AIM2: variants seen among roughly 807,000 people sequenced by gnomAD.
AIM2 encodes absent in melanoma 2.
Under a neutral mutation model 27.7 loss-of-function variants are expected in AIM2, and 30 were observed. That is an observed-to-expected ratio of 1.08 (90% CI 0.81 to 1.47). The LOEUF (loss-of-function observed/expected upper bound fraction) is 1.47. AIM2 is among the 40% of genes most tolerant of loss of function. The pLI is 0.00. For missense variants in AIM2, 358 were observed against 411.3 expected, an observed-to-expected ratio of 0.87 and a Z score of 1.12; for synonymous variants, 141 against 145.3, an observed-to-expected ratio of 0.97 and a Z score of 0.21.
chr1:159,081,408 C>T, upstream of AIM2: 1 of 355,726 alleles, frequency 2.8e-6, no homozygotes. Flanking sequence ...AAGTAGATAA[C>T]CTGAAATAAT....
At chr1:159,056,950 G>A in the AIM2 span, among the ~76,000 whole-genome samples, 1 of 152,010 alleles carries the variant, frequency 6.6e-6, no homozygotes, top group Non-Finnish European at 1.5e-5. Flanking sequence ...TTTTTTCAAA[G>A]GAGTCCCAAA....
At chr1:159,080,312 C>T (rs544901654), upstream of AIM2, among the ~76,000 whole-genome samples, 25 of 152,186 alleles carry the variant, frequency 1.6e-4, no homozygotes, top group Non-Finnish European at 2.1e-4. Context: ...TATGAGCAAA[C>T]GAAAGGTATC....
chr1:159,139,583 C>T (rs1332838308), intron 1 of AIM2, among the ~76,000 whole-genome samples: 2 of 152,096 alleles, frequency 1.3e-5, no homozygotes, highest in South Asian at 2.1e-4. Flanking sequence ...GGCAAAGCTG[C>T]TTCTTATACC....
chr1:159,131,567 C>T (rs1250548155), intron 1 of AIM2, among the ~76,000 whole-genome samples: 15 of 152,142 alleles, frequency 9.9e-5, no homozygotes, highest in Admixed American at 8.5e-4. Flanking sequence ...GGACACTATA[C>T]TCAGGTTAAG....
intron 1 of AIM2, among the ~76,000 whole-genome samples, chr1:159,132,774 G>A (rs1016067319): frequency 1.3e-5 from 2 of 152,156 alleles, no homozygotes; most frequent in Non-Finnish European, 2.9e-5. Flanking sequence ...CTGTTTATAA[G>A]AGGCAGTCCA....
intron 1 of AIM2, 43 bp from the exon 2 acceptor site, chr1:159,073,562 G>T: frequency 6.6e-7 from 1 of 1,516,434 alleles, no homozygotes; most frequent in South Asian, 1.2e-5. Context: ...CACCAAAAGT[G>T]ATTCTACATT....
chr1:159,097,814 T>A (rs1657210447), intron 1 of AIM2, among the ~76,000 whole-genome samples: 1 of 152,136 alleles, frequency 6.6e-6, no homozygotes, highest in African/African-American at 2.4e-5. Flanking sequence ...CATTACCAAA[T>A]CGGCAAATCA....
At chr1:159,126,997 A>C (rs1020106875) in intron 1 of AIM2, among the ~76,000 whole-genome samples, 1 of 152,232 alleles carries the variant, frequency 6.6e-6, no homozygotes, top group African/African-American at 2.4e-5. Context: ...TCATATAAGA[A>C]TATGTTTCCA....
At chr1:159,118,864 C>A (rs531476735) in intron 1 of AIM2, among the ~76,000 whole-genome samples, 33 of 151,650 alleles carry the variant, frequency 2.2e-4, no homozygotes, top group African/African-American at 7.2e-4. Context: ...TTTTTTCCTT[C>A]TGCATACATA....
intron 1 of AIM2, among the ~76,000 whole-genome samples, chr1:159,130,017 C>G (rs1647823711): frequency 6.6e-6 from 1 of 152,220 alleles, no homozygotes; most frequent in Non-Finnish European, 1.5e-5. Context: ...TGAAGCTTCC[C>G]TTGACAACCC....
intron 2 of AIM2, among the ~76,000 whole-genome samples, chr1:159,072,300 T>C (rs982140154): frequency 1.3e-5 from 2 of 152,258 alleles, no homozygotes; most frequent in Admixed American, 6.5e-5. Context: ...TGAATGTACA[T>C]AGTATCACTT....
intron 1 of AIM2, among the ~76,000 whole-genome samples, chr1:159,075,085 A>G (rs545326019): frequency 4.2e-4 from 64 of 152,220 alleles, no homozygotes; most frequent in Non-Finnish European, 7.6e-4. Flanking sequence ...TTAAATCAGT[A>G]TGGCAGTGGC....
At chr1:159,106,408 T>A (rs758440279) in intron 1 of AIM2, among the ~76,000 whole-genome samples, 9 of 152,250 alleles carry the variant, frequency 5.9e-5, no homozygotes, top group Non-Finnish European at 1.3e-4. Flanking sequence ...ATAGTTCATG[T>A]CAGATGGTGT....
In AIM2 at chr1:159,094,927, A is replaced by C. The variant is rs1032445354; in HGVS notation, c.-15-28598T>G. Among the ~76,000 whole-genome samples the C allele has an allele frequency of 1.1e-4, 16 of 152,242 alleles. No individual in the cohort carries two copies. The East Asian group carries it at 1.9e-3, about 18-fold the overall frequency. Reference sequence around the variant, plus strand: ...GCTTATGCGAAAAAGGTAAAAAAAAACCCTGAATATCAAAAAAATTATTAT... The same window carrying C: ...GCTTATGCGAAAAAGGTAAAAAAAACCCCTGAATATCAAAAAAATTATTAT... On this transcript the variant is annotated intron_variant, in intron 1 of 2. Coordinates refer to the AIM2 transcript ENST00000368129.
upstream of AIM2, among the ~76,000 whole-genome samples, chr1:159,143,191 T>C (rs965241526): frequency 6.6e-6 from 1 of 152,204 alleles, no homozygotes; most frequent in Non-Finnish European, 1.5e-5. Flanking sequence ...CCCATTCATA[T>C]AGCCCTAGGA....
the AIM2 span, among the ~76,000 whole-genome samples, chr1:159,056,384 C>T: frequency 6.6e-6 from 1 of 152,066 alleles, no homozygotes; most frequent in South Asian, 2.1e-4. Context: ...TGTCTCATTG[C>T]CCCCTCTAAA....
At chr1:159,068,850 A>G in intron 2 of AIM2, 149 bp from the exon 3 acceptor site, 1 of 933,024 alleles carries the variant, frequency 1.1e-6, no homozygotes, top group South Asian at 1.9e-5. Flanking sequence ...ATATTTTAAA[A>G]TGAAAGAAAC....
intron 1 of AIM2, among the ~76,000 whole-genome samples, chr1:159,103,920 C>A (rs1312558450): frequency 6.6e-6 from 1 of 151,936 alleles, no homozygotes; most frequent in Non-Finnish European, 1.5e-5. Context: ...TATTTTGGAA[C>A]CTCATTAAGT....
chr1:159,128,129 T>G (rs760108999), intron 1 of AIM2, among the ~76,000 whole-genome samples: 9 of 152,100 alleles, frequency 5.9e-5, no homozygotes, highest in Non-Finnish European at 1.3e-4. Flanking sequence ...AACCTCCCCA[T>G]CTCTCAGCAC....
Sources: gnomAD v4.1 joint callset for allele counts (sites outside exome capture counted in the v4.1 genomes callset) on GRCh38, gnomAD v4.1.1 for gene constraint, MANE v1.5 for transcripts, NCBI Gene and HGNC (gene_info 2026-07-23, HGNC 2026-07-21) for gene names.